Variants in SHCBP1L observed in about 807,000 individuals in gnomAD.
SHCBP1L encodes testicular spindle-associated protein SHCBP1L.
In SHCBP1L, 67 loss-of-function variants were observed where a neutral mutation model predicts 62.5. That is an observed-to-expected ratio of 1.07 (90% CI 0.88 to 1.31). SHCBP1L has a LOEUF of 1.31. Ranked by LOEUF, SHCBP1L falls within the 40% of genes most tolerant of loss-of-function variation. The probability of loss-of-function intolerance (pLI) is 0.00; values close to 1 mark genes in which losing one functional copy is unlikely to be tolerated. For missense variants in SHCBP1L, 823 were observed against 809.8 expected (o/e 1.02, Z -0.20); for synonymous variants, 284 against 289.4 (o/e 0.98, Z 0.19).
At chr1:182,932,558 G>A (rs1276054811) in intron 5 of SHCBP1L, among the ~76,000 whole-genome samples, 1 of 152,012 alleles carries the variant, frequency 6.6e-6, no homozygotes, top group Non-Finnish European at 1.5e-5. Flanking sequence ...TCAGCGGCAC[G>A]ATCTCAGCTC....
Position 182,900,045 on chromosome 1 carries a change from C to T in SHCBP1L, c.1900G>A (p.Glu634Lys). Reference protein sequence around the residue: ...LFKVMQNLNLEMNNNKIEANV... With the variant: ...LFKVMQNLNLKMNNNKIEANV... ...GCTTCTATCTTATTATTATTCATTT[C>T]CAGATTCAGATTTTGCATTACTTTG... Residue 634 changes from glutamate (E) to lysine (K), a missense_variant, in exon 10 of 10, where the codon GAA becomes AAA. Coordinates refer to ENST00000367547, the MANE Select transcript of SHCBP1L (RefSeq NM_030933.4). 1 of 1,613,164 alleles carries T rather than the reference C, an allele frequency of 6.2e-7. No individual in the cohort carries two copies. Among genetic ancestry groups the T allele is most frequent in the Non-Finnish European group, 8.5e-7 (1 of 1,179,530 alleles).
chr1:182,932,878 T>C (rs188181082), intron 5 of SHCBP1L, among the ~76,000 whole-genome samples: 4 of 152,266 alleles, frequency 2.6e-5, no homozygotes, highest in Admixed American at 2.6e-4. Flanking sequence ...TTGAGATCCA[T>C]CCATGTTATT....
At chr1:182,949,613 C>T (rs1175073028) in intron 2 of SHCBP1L, among the ~76,000 whole-genome samples, 1 of 151,364 alleles carries the variant, frequency 6.6e-6, no homozygotes, top group African/African-American at 2.4e-5. Context: ...GGGAGGACTG[C>T]TTGAAACCTA....
intron 2 of SHCBP1L, among the ~76,000 whole-genome samples, chr1:182,943,580 G>A (rs1465798900): frequency 4.0e-5 from 6 of 151,466 alleles, no homozygotes; most frequent in Admixed American, 1.3e-4. Context: ...CCAAGTAGCT[G>A]GGATTACAGG....
At chr1:182,922,670 A>G (rs1174205282) in intron 6 of SHCBP1L, among the ~76,000 whole-genome samples, 1 of 152,230 alleles carries the variant, frequency 6.6e-6, no homozygotes, top group Non-Finnish European at 1.5e-5. Context: ...AAATTAACAC[A>G]GAAATCAAAA....
intron 8 of SHCBP1L, among the ~76,000 whole-genome samples, 169 bp downstream of exon 8, chr1:182,904,011 A>G (rs1455047386): frequency 6.6e-6 from 1 of 152,178 alleles, no homozygotes; most frequent in Non-Finnish European, 1.5e-5. Flanking sequence ...TTTTTCCTAA[A>G]TGTACTATGA....
chr1:182,905,789 G>T, intron 6 of SHCBP1L, 140 bp from the exon 7 acceptor site: 1 of 734,282 alleles, frequency 1.4e-6, no homozygotes. Context: ...AATGCTCAAA[G>T]TATCAGTTCA....
chr1:182,918,255 T>A (rs1327557630), intron 6 of SHCBP1L, among the ~76,000 whole-genome samples: 2 of 149,134 alleles, frequency 1.3e-5, no homozygotes, highest in Non-Finnish European at 3.0e-5. Context: ...TACACACATA[T>A]ATATCTCCAA....
At chr1:182,920,054 C>G (rs187830995) in intron 6 of SHCBP1L, among the ~76,000 whole-genome samples, 67 of 152,298 alleles carry the variant, frequency 4.4e-4, no homozygotes, top group Middle Eastern at 6.8e-3. Context: ...TCGCTGGCAC[C>G]CTGCCCCTGC....
Position 182,905,486 on chromosome 1 carries a change from C to A in SHCBP1L, c.1336+10G>T. On this transcript the variant is annotated intron_variant, in intron 7 of 9. Transcript: ENST00000367547. Reference sequence around the variant, plus strand: ...GCTGTAAAAAAAACTACAAAGGATGCCCTGCTAACCCTTTATAATGATGTC... The same window carrying A: ...GCTGTAAAAAAAACTACAAAGGATGACCTGCTAACCCTTTATAATGATGTC... 1.2e-6 allele frequency: 2 copies of A among 1,611,624 alleles called. No homozygotes were observed. Among genetic ancestry groups the A allele is most frequent in the Non-Finnish European group, 8.5e-7 (1 of 1,179,254 alleles).
intron 5 of SHCBP1L, among the ~76,000 whole-genome samples, chr1:182,936,384 C>G (rs771485859): frequency 6.6e-6 from 1 of 152,080 alleles, no homozygotes; most frequent in South Asian, 2.1e-4. Flanking sequence ...ATCCACCCAC[C>G]TTGGCCTCCC....
At chr1:182,916,967 T>C (rs1650374656) in intron 6 of SHCBP1L, among the ~76,000 whole-genome samples, 1 of 152,022 alleles carries the variant, frequency 6.6e-6, no homozygotes, top group African/African-American at 2.4e-5. Context: ...GGTGATGAAA[T>C]AATATGTATA....
intron 5 of SHCBP1L, among the ~76,000 whole-genome samples, chr1:182,930,693 GTGTGTGTGTGTATA>G (rs1650961397): frequency 1.3e-5 from 1 of 76,528 alleles, no homozygotes; most frequent in Middle Eastern, 8.9e-3. Context: ...GTGTGTGTGT[GTGTGTGTGTGTATA>G]TATATATATA....
intron 6 of SHCBP1L, among the ~76,000 whole-genome samples, chr1:182,919,005 G>C (rs1028683582): frequency 2.6e-5 from 4 of 152,228 alleles, no homozygotes; most frequent in Middle Eastern, 3.4e-3. Flanking sequence ...ACTCAAAATT[G>C]ATTAACAACC....
In SHCBP1L at chr1:182,952,788, C is replaced by G. The variant is rs749288681; in HGVS notation, c.346G>C (p.Gly116Arg). 32 of 1,612,626 alleles carry G rather than the reference C, an allele frequency of 2.0e-5. No homozygotes were observed. The highest frequency in any genetic ancestry group is 2.7e-5 in the African/African-American group (2 of 74,616). The change falls in exon 1 of 10, where the codon GGG becomes CGG. Residue 116 changes from glycine to arginine, a missense_variant. Physicochemically the swap from Gly to Arg is moderately radical, Grantham distance 125. Transcript: ENST00000367547. The stretch of plus-strand genomic sequence containing the variant: ...GACACCTTCTCGTCCCGCCACATCC[C>G]CCTCATACGGGACACGCAGACTGGG... ...LPPVCVSRMR[G>R]MWRDEKVSLY...
chr1:182,921,139 C>T (rs1355107245), intron 6 of SHCBP1L, among the ~76,000 whole-genome samples: 2 of 152,090 alleles, frequency 1.3e-5, no homozygotes, highest in African/African-American at 4.8e-5. Flanking sequence ...AGGCAGGTCA[C>T]CTACAAAGGG....
At chr1:182,947,006 G>A (rs371996010) in intron 2 of SHCBP1L, among the ~76,000 whole-genome samples, 10 of 152,180 alleles carry the variant, frequency 6.6e-5, no homozygotes, top group African/African-American at 2.4e-4. Context: ...GGAGGCTGAG[G>A]CAGGTGGATC....
intron 7 of SHCBP1L, 34 bp downstream of exon 7, chr1:182,905,462 C>T (rs1396238650): frequency 1.9e-6 from 3 of 1,605,970 alleles, no homozygotes; most frequent in East Asian, 2.2e-5. Context: ...GTATACATTG[C>T]TGTAAAAAAA....
At chr1:182,932,520 G>A (rs974208703) in intron 5 of SHCBP1L, among the ~76,000 whole-genome samples, 1 of 150,672 alleles carries the variant, frequency 6.6e-6, no homozygotes, top group African/African-American at 2.5e-5. Context: ...TCGCTCTGTT[G>A]CCAAGGCTGG....
Sources: allele counts gnomAD v4.1 joint callset (sites outside exome capture counted in the v4.1 genomes callset), GRCh38; gene constraint gnomAD v4.1.1; transcripts MANE v1.5; gene names NCBI Gene and HGNC (gene_info 2026-07-23, HGNC 2026-07-21).